The following XKR6 variants were observed in gnomAD, a reference collection of about 807,000 sequenced individuals.
The protein encoded by XKR6 is XK-related protein 6.
In XKR6, 22 loss-of-function variants were observed where a neutral mutation model predicts 56.7. The ratio of observed to expected loss-of-function variants is 0.39; its 90% CI spans 0.28 to 0.55. The LOEUF (loss-of-function observed/expected upper bound fraction) is 0.55, where lower values mean the gene tolerates loss of function less well. Among genes scored for constraint, XKR6 ranks in the 20% least tolerant of loss-of-function variants. XKR6 has a pLI of 0.66. For missense variants in XKR6, 852 were observed against 889.0 expected, an observed-to-expected ratio of 0.96 and a Z score of 0.53; for synonymous variants, 524 against 387.8, an observed-to-expected ratio of 1.35 and a Z score of -4.13.
intron 2 of XKR6, among the ~76,000 whole-genome samples, chr8:10,909,132 C>T (rs953727268): frequency 6.6e-6 from 1 of 151,510 alleles, no homozygotes; most frequent in African/African-American, 2.4e-5. Flanking sequence ...CGCCACTGCA[C>T]TCCAGCCTGG....
At chr8:11,103,975 G>C (rs960392611) in intron 1 of XKR6, among the ~76,000 whole-genome samples, 5 of 152,232 alleles carry the variant, frequency 3.3e-5, no homozygotes, top group Non-Finnish European at 5.9e-5. Context: ...AGGAGATGCG[G>C]AGTAATACTG....
chr8:11,036,269 CAG>C (rs1236612456), intron 1 of XKR6, among the ~76,000 whole-genome samples: 8 of 152,268 alleles, frequency 5.3e-5, no homozygotes, highest in Non-Finnish European at 1.2e-4. Context: ...TCTTACCAGG[CAG>C]AGAGAGAAGC....
At chr8:11,130,931 T>C (rs1360635215) in intron 1 of XKR6, among the ~76,000 whole-genome samples, 2 of 152,094 alleles carry the variant, frequency 1.3e-5, no homozygotes. Flanking sequence ...GTAGATTTTA[T>C]AGTCAAACTA....
At chr8:10,914,659 A>T in intron 2 of XKR6, among the ~76,000 whole-genome samples, 1 of 152,202 alleles carries the variant, frequency 6.6e-6, no homozygotes, top group South Asian at 2.1e-4. Context: ...AGATCTGAGC[A>T]GTCTCCCTTG....
intron 1 of XKR6, among the ~76,000 whole-genome samples, chr8:11,116,439 T>A (rs1799178064): frequency 2.0e-5 from 3 of 152,142 alleles, no homozygotes; most frequent in Non-Finnish European, 2.9e-5. Flanking sequence ...GACACAATCT[T>A]GGCTCACTGC....
At chr8:10,985,749 G>C (rs1290855103) in intron 1 of XKR6, among the ~76,000 whole-genome samples, 1 of 152,072 alleles carries the variant, frequency 6.6e-6, no homozygotes, top group Non-Finnish European at 1.5e-5. Flanking sequence ...AAATTACGCA[G>C]TCTCTGGTAT....
chr8:11,120,259 G>T (rs887749289), intron 1 of XKR6, among the ~76,000 whole-genome samples: 2 of 152,196 alleles, frequency 1.3e-5, no homozygotes, highest in African/African-American at 2.4e-5. Context: ...CCTGTTTGCA[G>T]ATGACATGAT....
intron 1 of XKR6, among the ~76,000 whole-genome samples, chr8:11,130,371 A>T (rs1315965889): frequency 1.3e-5 from 2 of 152,128 alleles, no homozygotes; most frequent in Admixed American, 1.3e-4. Context: ...CCATATCTAC[A>T]CTAAGCCACG....
chr8:10,942,552 CA>C (rs1327164652), intron 1 of XKR6, among the ~76,000 whole-genome samples: 1 of 152,206 alleles, frequency 6.6e-6, no homozygotes, highest in Non-Finnish European at 1.5e-5. Context: ...GCACACAGAG[CA>C]AAAAGCCAAA....
At chr8:11,110,471 C>A (rs1248459517) in intron 1 of XKR6, among the ~76,000 whole-genome samples, 1 of 152,200 alleles carries the variant, frequency 6.6e-6, no homozygotes, top group African/African-American at 2.4e-5. Flanking sequence ...CACCAACCAT[C>A]AAACTTTCAA....
chr8:11,148,543 G>A (rs986528255), intron 1 of XKR6, among the ~76,000 whole-genome samples: 2 of 152,228 alleles, frequency 1.3e-5, no homozygotes, highest in Non-Finnish European at 2.9e-5. Context: ...ACACAGAAAG[G>A]ATATGAAGCA....
intron 1 of XKR6, among the ~76,000 whole-genome samples, chr8:11,018,188 C>T (rs995151631): frequency 6.6e-6 from 1 of 151,628 alleles, no homozygotes; most frequent in Admixed American, 6.6e-5. Context: ...ACAGCCTCCC[C>T]CTCAGGGTGA....
At chr8:11,050,807 T>A (rs1047585678) in intron 1 of XKR6, among the ~76,000 whole-genome samples, 3 of 152,024 alleles carry the variant, frequency 2.0e-5, no homozygotes, top group African/African-American at 7.3e-5. Flanking sequence ...CCCAGAACCA[T>A]TGGCCCCATT....
intron 1 of XKR6, among the ~76,000 whole-genome samples, chr8:10,979,123 T>A (rs1797666198): frequency 6.6e-6 from 1 of 151,442 alleles, no homozygotes; most frequent in Non-Finnish European, 1.5e-5. Context: ...AATCCCCCAA[T>A]GAGAAAGAGC....
rs745684264 is a variant in XKR6 at position 11,200,984 on chromosome 8, G to T, written c.356C>A (p.Pro119Gln). ...GAGCCACGGCCGCTCCACCTGCGGCGGCGGCGGCTCCGGCCGCGCGGCCGA... is the reference window on the plus strand; with the variant it reads ...GAGCCACGGCCGCTCCACCTGCGGCTGCGGCGGCTCCGGCCGCGCGGCCGA... ...TPSAARPEPP[P>Q]PQVERPWLDC... The change falls in exon 1 of 3, where the codon CCG becomes CAG. Residue 119 changes from proline (P) to glutamine (Q), a missense_variant. Pro to Gln is a moderately conservative substitution (Grantham distance 76). Around this residue, in one of 4 missense-constraint regions of XKR6, gnomAD observed 417 missense variants for 355.2 expected, o/e 1.17. Transcript: ENST00000416569. This position sits in a 1 kb window ranked among gnomAD's most constrained non-coding sequence, Gnocchi z 6.4. 1.1e-5 allele frequency: 17 copies of T among 1,485,130 alleles called. No homozygotes were observed. The highest frequency in any genetic ancestry group is 1.3e-5 in the Non-Finnish European group (15 of 1,118,294). 92.0% of individuals were successfully genotyped at this position (1,485,130 alleles called of 1,614,324 possible). A position where few individuals can be genotyped will look rare whatever the true frequency, so the allele number is the denominator to read the frequency against.
rs866266682 is a variant in XKR6, at chr8:11,117,935, C to A, written c.764+82641G>T. ...AAAAGCAATATAAACCCAAATGAGACGCTAACAGAGTGACAGGGAATACCG... is the reference window on the plus strand; with the variant it reads ...AAAAGCAATATAAACCCAAATGAGAAGCTAACAGAGTGACAGGGAATACCG... On this transcript the variant is annotated intron_variant, in intron 1 of 2. Transcript: ENST00000416569. Among the ~76,000 whole-genome samples the A allele has an allele frequency of 2.0e-5, 3 of 152,022 alleles. No individual in the cohort carries two copies. In the East Asian group the frequency reaches 5.8e-4, roughly 29 times the overall value.
At chr8:10,996,358 C>T (rs7837828) in intron 1 of XKR6, among the ~76,000 whole-genome samples, 67,459 of 152,048 alleles carry the variant, frequency 0.44, 18,175 homozygotes, top group African/African-American at 0.75. Context: ...CTGACAATAT[C>T]TTGTTACTGC....
intron 1 of XKR6, among the ~76,000 whole-genome samples, chr8:10,985,791 A>ACCC (rs1797849378): frequency 6.6e-6 from 1 of 152,214 alleles, no homozygotes; most frequent in South Asian, 2.1e-4. Flanking sequence ...ACAGACTAAT[A>ACCC]CATGGGGTTG....
intron 1 of XKR6, among the ~76,000 whole-genome samples, chr8:11,089,174 C>T (rs535366421): frequency 3.2e-4 from 48 of 151,234 alleles, no homozygotes; most frequent in Middle Eastern, 3.4e-3. Context: ...AGTGGAGGGC[C>T]ACAAGTGGCC....
Sources: allele counts gnomAD v4.1 joint callset (sites outside exome capture counted in the v4.1 genomes callset), GRCh38; gene constraint gnomAD v4.1.1; regional missense constraint gnomAD v4.1.1; non-coding constraint Gnocchi (gnomAD v3.1); transcripts MANE v1.5; gene names NCBI Gene and HGNC (gene_info 2026-07-23, HGNC 2026-07-21).